ZNF664: variants seen among roughly 807,000 people sequenced by gnomAD.
The protein encoded by ZNF664 is zinc finger protein 664.
In ZNF664, 10 loss-of-function variants were observed where a neutral mutation model predicts 18.2. The observed-to-expected ratio is 0.55, with a 90% CI of 0.34 to 0.93. The LOEUF is 0.93. Among genes scored for constraint, ZNF664 ranks in the 40% least tolerant of loss-of-function variants. ZNF664 has a pLI of 0.02. For synonymous variants in ZNF664, 119 were observed against 104.2 expected (o/e 1.14, Z -0.86); for missense variants, 193 against 319.0 (o/e 0.61, Z 3.01).
chr12:123,994,364 T>TTTTCATTTA (rs1237629060), intron 3 of ZNF664, among the ~76,000 whole-genome samples: 1 of 152,178 alleles, frequency 6.6e-6, no homozygotes. Context: ...AAGACTAAAG[T>TTTTCATTTA]TTTATGAAGA....
chr12:124,010,421 A>G (rs555788122), intron 3 of ZNF664, among the ~76,000 whole-genome samples: 2 of 152,216 alleles, frequency 1.3e-5, no homozygotes, highest in Admixed American at 6.5e-5. Flanking sequence ...CCTAAACCTT[A>G]AAAGATTTCA....
intron 2 of ZNF664, among the ~76,000 whole-genome samples, chr12:123,982,014 G>T (rs1430830405): frequency 6.6e-6 from 1 of 152,184 alleles, no homozygotes; most frequent in Admixed American, 6.5e-5. Context: ...GTAGACTCTT[G>T]CCTCTCTGAG....
intron 3 of ZNF664, among the ~76,000 whole-genome samples, chr12:123,989,861 CTG>C (rs1396018798): frequency 7.7e-6 from 1 of 130,482 alleles, no homozygotes; most frequent in Non-Finnish European, 1.7e-5. Context: ...CAATAAATTT[CTG>C]TCCATCCATG....
rs1957173510 is a variant in ZNF664, at chr12:124,014,804, A to G, written c.*1874A>G. ...AAAGGAGATTTAAAAGGAGCACATGATTTAGTGGGTGGGCCATGAAACTAG... is the reference window on the plus strand; with the variant it reads ...AAAGGAGATTTAAAAGGAGCACATGGTTTAGTGGGTGGGCCATGAAACTAG... On this transcript the variant is annotated 3_prime_UTR_variant, in exon 5 of 5. Coordinates refer to ENST00000337815, the MANE Select transcript of ZNF664 (RefSeq NM_152437.3). 6.0e-6 allele frequency: 1 copy of G among 166,072 alleles called. No homozygotes were observed. Among genetic ancestry groups the G allele is most frequent in the South Asian group, 2.1e-4 (1 of 4,830 alleles). The allele number at this position is 166,072 out of a possible 1,614,324, so 10.3% of individuals were successfully genotyped here. A position where few individuals can be genotyped will look rare whatever the true frequency, so the allele number is the denominator to read the frequency against.
At chr12:123,998,410 G>T (rs1158352404) in intron 3 of ZNF664, 1 of 152,228 alleles carries the variant, frequency 6.6e-6, no homozygotes, top group African/African-American at 2.4e-5. Context: ...ACCCTACAGA[G>T]ATGCCTTGGT....
At chr12:124,007,905 G>A (rs1397751671) in intron 3 of ZNF664, among the ~76,000 whole-genome samples, 2 of 152,110 alleles carry the variant, frequency 1.3e-5, no homozygotes, top group African/African-American at 4.8e-5. Context: ...CGTCATTCCT[G>A]TTCTTCACTG....
At chr12:123,980,223 G>A (rs1956747642) in intron 2 of ZNF664, among the ~76,000 whole-genome samples, 1 of 152,086 alleles carries the variant, frequency 6.6e-6, no homozygotes, top group Admixed American at 6.6e-5. Context: ...AGGGGAGACT[G>A]GTTTTTCATA....
Position 124,013,645 on chromosome 12 carries a change from G to T in ZNF664, c.*715G>T, listed in dbSNP as rs776532320. On this transcript the variant is annotated 3_prime_UTR_variant, in exon 5 of 5. Transcript: ENST00000337815. Reference sequence around the variant, plus strand: ...CTGTCTCTGTTAGACTTATTTTGTAGTGGCTGCATCACATATTTTTCACTT... The same window carrying T: ...CTGTCTCTGTTAGACTTATTTTGTATTGGCTGCATCACATATTTTTCACTT... 3.0e-5 allele frequency: 5 copies of T among 167,106 alleles called. No homozygotes were observed. The highest frequency in any genetic ancestry group is 7.3e-5 in the Non-Finnish European group (5 of 68,162). The allele number at this position is 167,106 out of a possible 1,614,324, so 10.4% of individuals were successfully genotyped here.
chr12:124,012,512 G>GTC lies in ZNF664; in HGVS notation c.368_369insTC (p.Phe124ProfsTer144), dbSNP rs751847805. The GTC allele has an allele frequency of 6.2e-7, 1 of 1,614,214 alleles. No homozygotes were observed. Among genetic ancestry groups the GTC allele is most frequent in the Non-Finnish European group, 8.5e-7 (1 of 1,180,048 alleles). On this transcript the variant is annotated frameshift_variant, in exon 5 of 5. Coordinates refer to ENST00000337815, the MANE Select transcript of ZNF664 (RefSeq NM_152437.3). LOFTEE classifies it high-confidence loss of function. ...TATGTCTGTAGTGAGTGTGGAAGGG[G>GTC]CTTTAGTAATAGTTCAAACCTTTGC...
At chr12:123,994,039 A>G (rs825510) in intron 3 of ZNF664, among the ~76,000 whole-genome samples, 1 of 152,190 alleles carries the variant, frequency 6.6e-6, no homozygotes, top group South Asian at 2.1e-4. Context: ...TCTTTGGGAG[A>G]GTTCTTTCTT....
At chr12:123,973,865 G>C (rs1425496858) in intron 1 of ZNF664, 21 bp from the exon 2 acceptor site, 1 of 1,231,758 alleles carries the variant, frequency 8.1e-7, no homozygotes, top group Non-Finnish European at 1.0e-6. Context: ...CCGGCTGCAT[G>C]GGGTGCTGTG....
intron 3 of ZNF664, among the ~76,000 whole-genome samples, chr12:123,995,073 G>C (rs59492575): frequency 0.018 from 2,787 of 152,250 alleles, 86 homozygotes; most frequent in African/African-American, 0.064. Flanking sequence ...GGGATTACAA[G>C]CCCATTTTAC....
At chr12:123,992,157 T>A in intron 3 of ZNF664, among the ~76,000 whole-genome samples, 1 of 152,080 alleles carries the variant, frequency 6.6e-6, no homozygotes, top group East Asian at 1.9e-4. Context: ...TAAGGAAGTA[T>A]GCGGGGCAGT....
In ZNF664 at chr12:124,014,391, C is replaced by A; in HGVS notation, c.*1461C>A. The stretch of plus-strand genomic sequence containing the variant: ...CCGAGGTGGTCAGTATCCTGACTTT[C>A]AGAGGCCTTTTTTTGTTTGTTTTAA... On this transcript the variant is annotated 3_prime_UTR_variant, in exon 5 of 5. Transcript: ENST00000337815. 1 of 167,188 alleles carries A rather than the reference C, an allele frequency of 6.0e-6. No individual in the cohort carries two copies. The allele number at this position is 167,188 out of a possible 1,614,324, so 10.4% of individuals were successfully genotyped here. A position where few individuals can be genotyped will look rare whatever the true frequency, so the allele number is the denominator to read the frequency against.
chr12:124,008,652 G>C (rs1260858992), intron 3 of ZNF664, among the ~76,000 whole-genome samples: 1 of 152,086 alleles, frequency 6.6e-6, no homozygotes, highest in Non-Finnish European at 1.5e-5. Context: ...ATTTTGTTCA[G>C]TGCCTTGGGT....
At chr12:124,000,830 TC>T (rs1957003210) in intron 3 of ZNF664, among the ~76,000 whole-genome samples, 1 of 152,132 alleles carries the variant, frequency 6.6e-6, no homozygotes, top group South Asian at 2.1e-4. Flanking sequence ...AGGGCCCTCT[TC>T]CCTTTTCACC....
chr12:124,014,841 G>C lies in ZNF664; in HGVS notation c.*1911G>C, dbSNP rs1489521566. ...GGCCATGAAACTAGAGATGGGATTT[G>C]GGGGTGAATTTGTCAATATCTGGAT... On this transcript the variant is annotated 3_prime_UTR_variant, in exon 5 of 5. Coordinates refer to ENST00000337815, the MANE Select transcript of ZNF664 (RefSeq NM_152437.3). 6.0e-6 allele frequency: 1 copy of C among 166,162 alleles called. No individual in the cohort carries two copies. Among genetic ancestry groups the C allele is most frequent in the Non-Finnish European group, 1.5e-5 (1 of 68,114 alleles). 10.3% of individuals were successfully genotyped at this position (166,162 alleles called of 1,614,324 possible). A position where few individuals can be genotyped will look rare whatever the true frequency, so the allele number is the denominator to read the frequency against.
rs1957150523 is a variant in ZNF664, at chr12:124,012,991, G to T, written c.*61G>T. On this transcript the variant is annotated 3_prime_UTR_variant, in exon 5 of 5. Transcript: ENST00000337815. ...TAAGTGCCACTAGGAAGGAAACCCT[G>T]TATATACCTACATTGACCCAAGAAA... 3 of 1,550,594 alleles carry T rather than the reference G, an allele frequency of 1.9e-6. No individual in the cohort carries two copies. The East Asian group carries it at 6.8e-5, about 35-fold the overall frequency.
chr12:123,999,265 T>C (rs1057361138), intron 3 of ZNF664, among the ~76,000 whole-genome samples: 1 of 152,206 alleles, frequency 6.6e-6, no homozygotes, highest in Non-Finnish European at 1.5e-5. Context: ...CTTTTTCACT[T>C]TTATCTTTCC....
Sources: allele counts gnomAD v4.1 joint callset (sites outside exome capture counted in the v4.1 genomes callset), GRCh38; gene constraint gnomAD v4.1.1; transcripts MANE v1.5; gene names NCBI Gene and HGNC (gene_info 2026-07-23, HGNC 2026-07-21).